The following CFAP92 variants were observed in gnomAD, a reference collection of about 807,000 sequenced individuals.
The protein encoded by CFAP92 is cilia and flagella associated protein 92 (putative), also known as uncharacterized protein CFAP92.
CFAP92 carries 86 observed loss-of-function variants against 106.3 expected under a neutral mutation model. That is an observed-to-expected ratio of 0.81 (90% CI 0.68 to 0.97). CFAP92 has a LOEUF of 0.97. Ranked by LOEUF, CFAP92 falls within the 50% of genes least tolerant of loss-of-function variation. The pLI, the probability that CFAP92 is intolerant of heterozygous loss-of-function variation, is 0.00. For missense variants in CFAP92, 1,204 were observed against 1,283.8 expected, an observed-to-expected ratio of 0.94 and a Z score of 0.95; for synonymous variants, 477 against 506.4, an observed-to-expected ratio of 0.94 and a Z score of 0.78.
At chr3:129,025,371 C>T in the CFAP92 span, among the ~76,000 whole-genome samples, 3 of 152,206 alleles carry the variant, frequency 2.0e-5, no homozygotes, top group Admixed American at 6.5e-5. Context: ...CCGGAAGCCA[C>T]GGGAAGAGTG....
At chr3:128,920,567 A>G (rs1405892811) in intron 12 of CFAP92, among the ~76,000 whole-genome samples, 2 of 152,146 alleles carry the variant, frequency 1.3e-5, no homozygotes, top group Non-Finnish European at 2.9e-5. Flanking sequence ...GCTTGGACAC[A>G]GTGTTGGGGA....
the CFAP92 span, among the ~76,000 whole-genome samples, chr3:129,008,888 G>A: frequency 6.6e-6 from 1 of 151,888 alleles, no homozygotes. Flanking sequence ...CCCACAGCTG[G>A]TCTCCACTCA....
Position 128,993,001 on chromosome 3 carries a change from T to C in CFAP92, c.262+42A>G, listed in dbSNP as rs749278290. 6.2e-6 allele frequency: 10 copies of C among 1,607,750 alleles called. No individual in the cohort carries two copies. The South Asian group carries it at 9.9e-5, about 16-fold the overall frequency. On this transcript the variant is annotated intron_variant, in intron 2 of 15. Coordinates refer to ENST00000645291, the MANE Select transcript of CFAP92 (RefSeq NM_001394090.1). ...AAACTCCTGCAGAAAGTCATGCACC[T>C]CCTTTTTTCAGAGGGTGTTAAACTT...
Position 128,973,889 on chromosome 3 carries a change from A to G in CFAP92, c.1021+1890T>C, listed in dbSNP as rs534280437. 2.6e-5 allele frequency among the ~76,000 whole-genome samples: 4 copies of G among 152,342 alleles called. No individual in the cohort carries two copies. In the South Asian group the frequency reaches 6.2e-4, roughly 24 times the overall value. On this transcript the variant is annotated intron_variant, in intron 7 of 15. Transcript: ENST00000645291. ...ATGCAGGACGGTCCACCCATAACAC[A>G]TGGCAAAATGCTAACACCTAAATTG...
the CFAP92 span, among the ~76,000 whole-genome samples, chr3:129,016,057 A>T: frequency 6.6e-6 from 1 of 152,206 alleles, no homozygotes; most frequent in African/African-American, 2.4e-5. Flanking sequence ...AGAGAAAAAG[A>T]CAGCAGTGAC....
Position 128,987,688 on chromosome 3 carries a change from A to G in CFAP92, c.595T>C (p.Ser199Pro), listed in dbSNP as rs1195838370. Reference protein sequence around the residue: ...LRLWNTKDKMSRKVRYYRLKT... With the variant: ...LRLWNTKDKMPRKVRYYRLKT... ...AATCGGTAATATCTGACTTTTCTTG[A>G]CATCTTGTCTTTAGTGTTCCAGAGC... is the stretch of plus-strand genomic sequence containing the variant. The change falls in exon 4 of 16, where the codon TCA (serine) becomes CCA (proline). Residue 199 changes from serine to proline, a missense_variant. Transcript: ENST00000645291. The G allele has an allele frequency of 6.2e-7, 1 of 1,613,980 alleles. No homozygotes were observed. Among genetic ancestry groups the G allele is most frequent in the South Asian group, 1.1e-5 (1 of 91,084 alleles).
the CFAP92 span, among the ~76,000 whole-genome samples, chr3:129,008,547 ATTTAT>A: frequency 1.3e-5 from 2 of 152,264 alleles, no homozygotes; most frequent in Non-Finnish European, 2.9e-5. Flanking sequence ...AATTGGAGAC[ATTTAT>A]TTAATTCATT....
At chr3:128,965,818 TAAAA>T (rs544351977) in intron 8 of CFAP92, 123 bp from the exon 9 acceptor site, 1 of 272,996 alleles carries the variant, frequency 3.7e-6, no homozygotes, top group African/African-American at 2.4e-5. Context: ...AAACTTTAAT[TAAAA>T]AAAAAAAAGA....
chr3:128,946,110 C>G (rs1440224078), intron 9 of CFAP92, 135 bp from the exon 10 acceptor site: 2 of 569,910 alleles, frequency 3.5e-6, no homozygotes, highest in Non-Finnish European at 2.9e-6. Context: ...CACAAAATAT[C>G]CATAAGAGAC....
At chr3:128,914,269 C>T (rs889553834) in intron 15 of CFAP92, among the ~76,000 whole-genome samples, 1 of 152,152 alleles carries the variant, frequency 6.6e-6, no homozygotes, top group African/African-American at 2.4e-5. Flanking sequence ...TCCTTGAGAG[C>T]CACAGCAGTA....
the CFAP92 span, among the ~76,000 whole-genome samples, chr3:129,008,154 T>A: frequency 6.6e-6 from 1 of 152,246 alleles, no homozygotes; most frequent in Non-Finnish European, 1.5e-5. Flanking sequence ...TGGAGTTTCC[T>A]AGCTGCACAG....
chr3:128,967,139 C>G (rs1942430143), intron 8 of CFAP92: 1 of 151,676 alleles, frequency 6.6e-6, no homozygotes, highest in African/African-American at 2.4e-5. Flanking sequence ...TCAAAAAGAT[C>G]AGTCTATTCC....
intron 7 of CFAP92, among the ~76,000 whole-genome samples, chr3:128,973,741 T>C (rs1942971779): frequency 6.6e-6 from 1 of 151,882 alleles, no homozygotes; most frequent in South Asian, 2.1e-4. Flanking sequence ...TCACAGCCTG[T>C]GTCCCAGGGG....
At chr3:129,001,683 C>T (rs1944762022) in intron 1 of CFAP92, 5 of 1,480,192 alleles carry the variant, frequency 3.4e-6, no homozygotes, top group South Asian at 1.3e-5. Flanking sequence ...GGGAGGTGAC[C>T]CGTACCGGCG....
At chr3:128,938,272 G>A (rs188711479) in intron 10 of CFAP92, among the ~76,000 whole-genome samples, 2 of 151,976 alleles carry the variant, frequency 1.3e-5, no homozygotes, top group East Asian at 1.9e-4. Flanking sequence ...TCAAAAAAAC[G>A]ACAAAGTTAA....
upstream of CFAP92, among the ~76,000 whole-genome samples, chr3:128,994,412 A>C (rs1644440851): frequency 6.6e-6 from 1 of 152,086 alleles, no homozygotes; most frequent in African/African-American, 2.4e-5. Flanking sequence ...TTCTTTAATA[A>C]AAGCAAAGGA....
intron 10 of CFAP92, among the ~76,000 whole-genome samples, chr3:128,944,494 C>T (rs1007578032): frequency 1.3e-4 from 19 of 151,912 alleles, no homozygotes; most frequent in African/African-American, 4.6e-4. Context: ...AGATGGGGGC[C>T]CTCCAGACTA....
intron 4 of CFAP92, among the ~76,000 whole-genome samples, chr3:128,986,247 T>C (rs951540755): frequency 1.3e-5 from 2 of 151,802 alleles, no homozygotes; most frequent in Admixed American, 1.3e-4. Flanking sequence ...TTACTTTTTT[T>C]TTTTTTTTTT....
At chr3:128,933,092 G>T in intron 11 of CFAP92, 95 bp from the exon 12 acceptor site, 1 of 1,146,192 alleles carries the variant, frequency 8.7e-7, no homozygotes, top group Non-Finnish European at 1.2e-6. Context: ...ACACTCAGAG[G>T]CTGCTTAGCT....
Sources: gnomAD v4.1 joint callset for allele counts (sites outside exome capture counted in the v4.1 genomes callset) on GRCh38, gnomAD v4.1.1 for gene constraint, MANE v1.5 for transcripts, NCBI Gene and HGNC (gene_info 2026-07-23, HGNC 2026-07-21) for gene names.